CAST: variants seen among roughly 807,000 people sequenced by gnomAD.
The protein encoded by CAST is MIR583 host.
Under a neutral mutation model 119.6 loss-of-function variants are expected in CAST, and 76 were observed. The ratio of observed to expected loss-of-function variants is 0.64; its 90% CI spans 0.53 to 0.77. The LOEUF is 0.77. Ranked by LOEUF, CAST falls within the 30% of genes least tolerant of loss-of-function variation. The probability of loss-of-function intolerance (pLI) is 0.00; values close to 1 mark genes in which losing one functional copy is unlikely to be tolerated. For synonymous variants in CAST, 319 were observed against 331.6 expected, an observed-to-expected ratio of 0.96 and a Z score of 0.41; for missense variants, 953 against 946.5, an observed-to-expected ratio of 1.01 and a Z score of -0.09.
At chr5:96,003,295 T>C in the CAST span, among the ~76,000 whole-genome samples, 1 of 151,628 alleles carries the variant, frequency 6.6e-6, no homozygotes, top group Non-Finnish European at 1.5e-5. Context: ...ATCCAGCACT[T>C]TGGGAGGCCG....
intron 2 of CAST, among the ~76,000 whole-genome samples, chr5:96,684,666 G>A (rs1251091242): frequency 1.3e-5 from 2 of 151,686 alleles, no homozygotes; most frequent in Admixed American, 6.6e-5. Context: ...GGGTTCAAGC[G>A]ATTCTCCTGC....
chr5:96,075,164 C>T, the CAST span, among the ~76,000 whole-genome samples: 5 of 152,064 alleles, frequency 3.3e-5, no homozygotes, highest in South Asian at 4.1e-4. Context: ...AATATATGTT[C>T]GTCTTTTATT....
At chr5:96,166,825 C>T in the CAST span, among the ~76,000 whole-genome samples, 3 of 152,030 alleles carry the variant, frequency 2.0e-5, no homozygotes, top group African/African-American at 7.3e-5. Flanking sequence ...ATATAGTAGT[C>T]CATGTCTTCT....
At chr5:96,056,732 T>A in the CAST span, among the ~76,000 whole-genome samples, 1 of 152,154 alleles carries the variant, frequency 6.6e-6, no homozygotes, top group Non-Finnish European at 1.5e-5. Flanking sequence ...GAGATAAAAG[T>A]AAAGCCAGCC....
chr5:96,467,511 G>A, the CAST span, among the ~76,000 whole-genome samples: 1 of 151,898 alleles, frequency 6.6e-6, no homozygotes, highest in Non-Finnish European at 1.5e-5. Flanking sequence ...CTTATGTAGG[G>A]ATCTAATTTC....
chr5:96,461,703 A>AT, the CAST span, among the ~76,000 whole-genome samples: 2 of 152,064 alleles, frequency 1.3e-5, no homozygotes, highest in Non-Finnish European at 2.9e-5. Flanking sequence ...TTAATAATAT[A>AT]TTTTTTACCT....
intron 1 of CAST, among the ~76,000 whole-genome samples, chr5:96,629,086 C>T (rs77424934): frequency 0.017 from 2,550 of 151,636 alleles, 69 homozygotes; most frequent in African/African-American, 0.059. Flanking sequence ...GCCTTAAACC[C>T]GATACAACAG....
intron 1 of CAST, among the ~76,000 whole-genome samples, chr5:96,621,740 G>A (rs1442522133): frequency 6.6e-6 from 1 of 152,100 alleles, no homozygotes; most frequent in Admixed American, 6.5e-5. Flanking sequence ...AGCAGGTGCG[G>A]CAGTTTCACA....
At chr5:96,696,842 C>A (rs1753357105) in intron 3 of CAST, among the ~76,000 whole-genome samples, 1 of 148,820 alleles carries the variant, frequency 6.7e-6, no homozygotes, top group Non-Finnish European at 1.5e-5. Context: ...GGCAATAGAA[C>A]AAGACTCTGT....
chr5:96,509,201 G>A, the CAST span, among the ~76,000 whole-genome samples: 1 of 152,134 alleles, frequency 6.6e-6, no homozygotes, highest in African/African-American at 2.4e-5. Context: ...ATTACGATCA[G>A]CAAAGAACAG....
chr5:96,680,380 G>GAAAAA (rs1751255045), intron 2 of CAST, among the ~76,000 whole-genome samples: 1 of 72,738 alleles, frequency 1.4e-5, no homozygotes, highest in Non-Finnish European at 2.4e-5. Context: ...AAAAAAAAAA[G>GAAAAA]AAGAAGAAGA....
At chr5:96,283,050 A>G in the CAST span, among the ~76,000 whole-genome samples, 10 of 149,736 alleles carry the variant, frequency 6.7e-5, no homozygotes, top group African/African-American at 2.5e-4. Flanking sequence ...GAATGGCGTG[A>G]ACCCGGGAGG....
At chr5:96,166,147 C>T in the CAST span, among the ~76,000 whole-genome samples, 8 of 152,264 alleles carry the variant, frequency 5.3e-5, no homozygotes, top group African/African-American at 1.4e-4. Flanking sequence ...TGCCAGTCCA[C>T]AGTGTTTCCC....
the CAST span, among the ~76,000 whole-genome samples, chr5:96,457,627 T>G: frequency 6.6e-6 from 1 of 152,236 alleles, no homozygotes; most frequent in African/African-American, 2.4e-5. Context: ...TGGCGTAGTC[T>G]TCTTCCCACC....
chr5:96,107,916 T>C, the CAST span, among the ~76,000 whole-genome samples: 4 of 152,016 alleles, frequency 2.6e-5, no homozygotes, highest in Admixed American at 2.0e-4. Flanking sequence ...GGAGGCTTTG[T>C]TCATTTCTTT....
At chr5:96,401,309 GAGA>G in the CAST span, among the ~76,000 whole-genome samples, 1 of 152,160 alleles carries the variant, frequency 6.6e-6, no homozygotes, top group Admixed American at 6.5e-5. Context: ...AGTGGAGATA[GAGA>G]AGAAGGCCAC....
chr5:96,532,540 C>A (rs1745708201), intron 1 of CAST, among the ~76,000 whole-genome samples: 3 of 152,226 alleles, frequency 2.0e-5, no homozygotes, highest in East Asian at 3.9e-4. Context: ...CATAGTGAGA[C>A]CCTGTCCATA....
chr5:96,425,072 G>GAAAGAAAGAA, the CAST span, among the ~76,000 whole-genome samples: 1 of 142,856 alleles, frequency 7.0e-6, no homozygotes, highest in Non-Finnish European at 1.6e-5. Context: ...AAGAAAGAAA[G>GAAAGAAAGAA]AAAACGTAGG....
chr5:96,662,729 A>AG (rs896066801), intron 1 of CAST, among the ~76,000 whole-genome samples: 2 of 151,716 alleles, frequency 1.3e-5, no homozygotes, highest in African/African-American at 2.4e-5. Flanking sequence ...GGTAGAGTGG[A>AG]GGGGGGGACG....
Sources: allele counts gnomAD v4.1 joint callset (sites outside exome capture counted in the v4.1 genomes callset), GRCh38; gene constraint gnomAD v4.1.1; transcripts MANE v1.5; gene names NCBI Gene and HGNC (gene_info 2026-07-23, HGNC 2026-07-21).